OIP5: variants seen among roughly 807,000 people sequenced by gnomAD.
The protein encoded by OIP5 is Opa interacting protein 5, also known as protein Mis18-beta.
OIP5 carries 24 observed loss-of-function variants against 20.3 expected under a neutral mutation model. That is an observed-to-expected ratio of 1.18 (90% confidence interval 0.86 to 1.66). OIP5 has a LOEUF of 1.66. OIP5 is among the 40% of genes most tolerant of loss of function. The pLI is 0.00. For synonymous variants in OIP5, 143 were observed against 121.3 expected (o/e 1.18, Z -1.17); for missense variants, 339 against 289.5 (o/e 1.17, Z -1.24).
In OIP5 at chr15:41,313,320, A is replaced by T; in HGVS notation, c.547T>A (p.Ser183Thr). ...GGAACATTTTGAATATCCATCTCTG[A>T]TGCATTTACTATGGCTTTTGTTTTT... is the stretch of plus-strand genomic sequence containing the variant. ...LLKTKAIVNASEMDIQNVPLS... is the reference protein window; with the variant it reads ...LLKTKAIVNATEMDIQNVPLS... The change falls in exon 4 of 5, where the codon TCA becomes ACA. Residue 183 changes from serine to threonine, a missense_variant. Coordinates refer to ENST00000220514, the MANE Select transcript of OIP5 (RefSeq NM_007280.2). 1 of 1,604,818 alleles carries T rather than the reference A, an allele frequency of 6.2e-7. No individual in the cohort carries two copies. The highest frequency in any genetic ancestry group is 2.2e-5 in the East Asian group (1 of 44,792).
intron 2 of OIP5, 32 bp from the exon 3 acceptor site, chr15:41,319,812 G>C: frequency 3.9e-6 from 6 of 1,555,502 alleles, no homozygotes; most frequent in Non-Finnish European, 5.2e-6. Flanking sequence ...ATATGGGTAA[G>C]AATAAAAAAT....
At chr15:41,309,900 AT>A (rs2047744430) in intron 4 of OIP5, 51 bp from the exon 5 acceptor site, 1 of 1,302,226 alleles carries the variant, frequency 7.7e-7, no homozygotes. Context: ...ATTTTTACTT[AT>A]TTTAAGAGAC....
At chr15:41,329,023 G>A (rs940195836) in intron 2 of OIP5, among the ~76,000 whole-genome samples, 7 of 122,352 alleles carry the variant, frequency 5.7e-5, no homozygotes, top group African/African-American at 1.9e-4. Context: ...CCAAGATCCC[G>A]CCACTGTGCT....
At chr15:41,330,318 C>T (rs1207945418) in intron 2 of OIP5, among the ~76,000 whole-genome samples, 3 of 151,688 alleles carry the variant, frequency 2.0e-5, no homozygotes, top group South Asian at 4.2e-4. Flanking sequence ...AGGCTGGTCT[C>T]GAACTCCCGA....
At chr15:41,332,174 G>A (rs982653123) in intron 1 of OIP5, 66 bp downstream of exon 1, 2 of 1,492,694 alleles carry the variant, frequency 1.3e-6, no homozygotes, top group Non-Finnish European at 9.0e-7. Context: ...CCGCCACCCG[G>A]TGGAGAAAGC....
At chr15:41,328,229 T>A (rs2047873818) in intron 2 of OIP5, among the ~76,000 whole-genome samples, 1 of 152,238 alleles carries the variant, frequency 6.6e-6, no homozygotes, top group Non-Finnish European at 1.5e-5. Flanking sequence ...ATGTTGCTCA[T>A]GATGGTCTTG....
intron 3 of OIP5, among the ~76,000 whole-genome samples, chr15:41,315,099 C>CAAAAAAAAAAAA (rs761038863): frequency 3.5e-5 from 2 of 57,688 alleles, no homozygotes; most frequent in African/African-American, 6.4e-5. Flanking sequence ...GACCCTGTCT[C>CAAAAAAAAAAAA]AAAAAAAAAA....
intron 2 of OIP5, among the ~76,000 whole-genome samples, chr15:41,328,184 G>A (rs1036097042): frequency 6.6e-6 from 1 of 152,210 alleles, no homozygotes; most frequent in Non-Finnish European, 1.5e-5. Context: ...GTGGAGGATA[G>A]ATATTTTGTT....
intron 2 of OIP5, among the ~76,000 whole-genome samples, chr15:41,323,679 C>A (rs777142513): frequency 6.6e-6 from 1 of 151,338 alleles, no homozygotes; most frequent in Non-Finnish European, 1.5e-5. Context: ...CTATGTTGCC[C>A]AGGCTGGTCT....
At chr15:41,327,284 C>T (rs1220605501) in intron 2 of OIP5, among the ~76,000 whole-genome samples, 3 of 151,494 alleles carry the variant, frequency 2.0e-5, no homozygotes, top group East Asian at 2.0e-4. Context: ...TGGGTTCAAG[C>T]GATTCTCCTG....
chr15:41,329,063 C>CAAAAAAAAAAAAAAAAAAAAA (rs1166517767), intron 2 of OIP5, among the ~76,000 whole-genome samples: 1 of 50,356 alleles, frequency 2.0e-5, no homozygotes, highest in Non-Finnish European at 3.5e-5. Flanking sequence ...GACTCCATCT[C>CAAAAAAAAAAAAAAAAAAAAA]AAAAAAAAAA....
At chr15:41,323,622 T>TA (rs1406754833) in intron 2 of OIP5, among the ~76,000 whole-genome samples, 2 of 151,996 alleles carry the variant, frequency 1.3e-5, no homozygotes, top group Non-Finnish European at 2.9e-5. Context: ...AGGTACACAC[T>TA]AAAATGCCCA....
intron 2 of OIP5, among the ~76,000 whole-genome samples, chr15:41,324,899 T>A (rs947117165): frequency 6.6e-6 from 1 of 152,222 alleles, no homozygotes; most frequent in Non-Finnish European, 1.5e-5. Context: ...AACTTTTTCT[T>A]TCACTTGAAC....
chr15:41,314,301 C>T lies in OIP5; in HGVS notation c.513-947G>A, dbSNP rs181518912. On this transcript the variant is annotated intron_variant, in intron 3 of 4. Transcript: ENST00000220514. ...ATTTTTAGTAGAGATGGGGTTTCAC[C>T]ATGTTGGCGAGGCTGGTCTCGAACT... is the stretch of plus-strand genomic sequence containing the variant. Among the ~76,000 whole-genome samples, 962 of 152,224 alleles carry T rather than the reference C, an allele frequency of 6.3e-3. 15 individuals are homozygous for T. Among genetic ancestry groups the T allele is most frequent in the African/African-American group, 0.022 (904 of 41,542 alleles).
intron 2 of OIP5, among the ~76,000 whole-genome samples, chr15:41,321,437 T>C (rs8041170): frequency 0.015 from 2,336 of 152,242 alleles, 73 homozygotes; most frequent in African/African-American, 0.054. Context: ...CAACAGCTCA[T>C]TGAGAATGGG....
chr15:41,332,194 C>A, intron 1 of OIP5, 46 bp downstream of exon 1: 1 of 1,519,008 alleles, frequency 6.6e-7, no homozygotes, highest in South Asian at 1.3e-5. Flanking sequence ...CGGGAACACC[C>A]TCTCGGGCTA....
intron 3 of OIP5, among the ~76,000 whole-genome samples, chr15:41,318,868 A>T (rs7161772): frequency 0.38 from 56,708 of 150,842 alleles, 11,751 homozygotes; most frequent in African/African-American, 0.56. Context: ...CTAATTTTTT[A>T]AAATTTTGTA....
At chr15:41,324,159 A>T (rs1316438043) in intron 2 of OIP5, among the ~76,000 whole-genome samples, 2 of 151,714 alleles carry the variant, frequency 1.3e-5, no homozygotes, top group African/African-American at 4.8e-5. Context: ...ACATCCGGCT[A>T]AATTTTTTTG....
chr15:41,317,478 C>G (rs891995715), intron 3 of OIP5, among the ~76,000 whole-genome samples: 2 of 151,206 alleles, frequency 1.3e-5, no homozygotes, highest in African/African-American at 2.4e-5. Context: ...CTCCCCGGTT[C>G]AAGTGATTCT....
Sources: gnomAD v4.1 joint callset for allele counts (sites outside exome capture counted in the v4.1 genomes callset) on GRCh38, gnomAD v4.1.1 for gene constraint, MANE v1.5 for transcripts, NCBI Gene and HGNC (gene_info 2026-07-23, HGNC 2026-07-21) for gene names.